MARCHF1: variants seen among roughly 807,000 people sequenced by gnomAD.
The protein encoded by MARCHF1 is E3 ubiquitin-protein ligase MARCHF1.
MARCHF1 carries 40 observed loss-of-function variants against 54.2 expected under a neutral mutation model. The ratio of observed to expected loss-of-function variants is 0.74; its 90% confidence interval spans 0.57 to 0.96. The LOEUF (loss-of-function observed/expected upper bound fraction) is 0.96, where lower values mean the gene tolerates loss of function less well. Ranked by LOEUF, MARCHF1 falls within the 40% of genes least tolerant of loss-of-function variation. MARCHF1 has a pLI of 0.00. For synonymous variants in MARCHF1, 236 were observed against 236.3 expected (o/e 1.00, Z 0.01); for missense variants, 586 against 656.5 (o/e 0.89, Z 1.17).
At chr4:163,794,255 C>T (rs1433732048) in intron 4 of MARCHF1, among the ~76,000 whole-genome samples, 1 of 152,038 alleles carries the variant, frequency 6.6e-6, no homozygotes, top group Non-Finnish European at 1.5e-5. Flanking sequence ...ATGTATGTTC[C>T]CTACATATTC....
intron 4 of MARCHF1, among the ~76,000 whole-genome samples, chr4:163,852,001 A>C (rs1382738616): frequency 6.6e-6 from 1 of 152,222 alleles, no homozygotes; most frequent in Admixed American, 6.5e-5. Context: ...TTTATGTTAA[A>C]GTGTATAGAG....
intron 5 of MARCHF1, among the ~76,000 whole-genome samples, chr4:163,626,071 C>T (rs747711194): frequency 2.6e-5 from 4 of 152,138 alleles, no homozygotes; most frequent in African/African-American, 4.8e-5. Flanking sequence ...TGAAATGAAG[C>T]ATTCTTTGTA....
At chr4:164,138,732 G>A (rs192192162) in intron 1 of MARCHF1, among the ~76,000 whole-genome samples, 37 of 152,314 alleles carry the variant, frequency 2.4e-4, no homozygotes, top group Admixed American at 6.5e-4. Flanking sequence ...ATCACCTCAT[G>A]TGGAGGCTTG....
intron 3 of MARCHF1, among the ~76,000 whole-genome samples, chr4:163,956,621 T>G (rs143311330): frequency 1.3e-5 from 2 of 152,230 alleles, no homozygotes; most frequent in Non-Finnish European, 2.9e-5. Flanking sequence ...TAGACAATAT[T>G]ATATGCAAAA....
intron 5 of MARCHF1, among the ~76,000 whole-genome samples, chr4:163,694,410 C>T (rs1744556009): frequency 6.6e-6 from 1 of 152,156 alleles, no homozygotes; most frequent in African/African-American, 2.4e-5. Flanking sequence ...GTTTTTCTCA[C>T]CCTGAATGAC....
At chr4:163,958,019 G>A (rs188704617) in intron 3 of MARCHF1, among the ~76,000 whole-genome samples, 37 of 152,030 alleles carry the variant, frequency 2.4e-4, no homozygotes, top group African/African-American at 7.7e-4. Context: ...ATAAGAGCCC[G>A]AAAGACTCTT....
At chr4:164,023,912 GA>G (rs1210180855) in intron 2 of MARCHF1, among the ~76,000 whole-genome samples, 1 of 152,026 alleles carries the variant, frequency 6.6e-6, no homozygotes, top group African/African-American at 2.4e-5. Context: ...CTCTGGAACT[GA>G]AAAATTTACT....
chr4:163,994,058 A>C (rs187689870), intron 2 of MARCHF1, among the ~76,000 whole-genome samples: 102 of 152,220 alleles, frequency 6.7e-4, no homozygotes, highest in African/African-American at 2.3e-3. Flanking sequence ...AATATTAGTA[A>C]ATCTAGCTGA....
chr4:163,818,201 CTTTA>C (rs1748595604), intron 4 of MARCHF1, among the ~76,000 whole-genome samples: 1 of 152,064 alleles, frequency 6.6e-6, no homozygotes, highest in Non-Finnish European at 1.5e-5. Flanking sequence ...TTTACTAATA[CTTTA>C]TTTCTTTATA....
At chr4:164,197,833 C>G in intron 1 of MARCHF1, 1 of 1,472,752 alleles carries the variant, frequency 6.8e-7, no homozygotes, top group Non-Finnish European at 9.0e-7. Flanking sequence ...GTTCTCGAGC[C>G]CCAATATTTA....
rs544727104 is a variant in MARCHF1, at chr4:164,228,253, C to T, written c.-322-116591G>A. Among the ~76,000 whole-genome samples the T allele has an allele frequency of 4.8e-4, 73 of 152,210 alleles. 1 individual carries two copies. Among genetic ancestry groups the T allele is most frequent in the African/African-American group, 1.4e-3 (60 of 41,532 alleles). ...GTACAAACTTTCCCCTTGATGACAG[C>T]GGGTTAAATTTGCTTTGCTATCACT... On this transcript the variant is annotated intron_variant, in intron 1 of 9. Coordinates refer to ENST00000514618, the MANE Select transcript of MARCHF1 (RefSeq NM_001394959.1).
At chr4:163,735,393 A>C (rs780726979) in intron 4 of MARCHF1, among the ~76,000 whole-genome samples, 1 of 152,194 alleles carries the variant, frequency 6.6e-6, no homozygotes, top group African/African-American at 2.4e-5. Flanking sequence ...TTTCTAACAT[A>C]TTATACAGTC....
intron 1 of MARCHF1, among the ~76,000 whole-genome samples, chr4:164,328,352 TAAG>T (rs1468971259): frequency 2.6e-5 from 4 of 152,060 alleles, no homozygotes; most frequent in South Asian, 4.1e-4. Context: ...ATATCAAAAA[TAAG>T]GAGATTATAT....
intron 3 of MARCHF1, among the ~76,000 whole-genome samples, chr4:163,869,020 T>C (rs1482864285): frequency 1.3e-5 from 2 of 151,938 alleles, no homozygotes; most frequent in Non-Finnish European, 2.9e-5. Flanking sequence ...ACAGTCTCTT[T>C]AAATTTAATT....
chr4:164,249,254 G>T (rs1733052365), intron 1 of MARCHF1, among the ~76,000 whole-genome samples: 1 of 152,076 alleles, frequency 6.6e-6, no homozygotes, highest in Non-Finnish European at 1.5e-5. Context: ...GTTGGGTGAA[G>T]AGATGATTGC....
chr4:164,022,028 T>G (rs757308895), intron 2 of MARCHF1, among the ~76,000 whole-genome samples: 3 of 152,102 alleles, frequency 2.0e-5, no homozygotes, highest in Non-Finnish European at 1.5e-5. Flanking sequence ...CTTCCATCAA[T>G]TCCAGTTATT....
At chr4:163,886,014 C>A (rs1458287007) in intron 3 of MARCHF1, among the ~76,000 whole-genome samples, 1 of 138,386 alleles carries the variant, frequency 7.2e-6, no homozygotes, top group Non-Finnish European at 1.6e-5. Context: ...CACTACCATA[C>A]CTAGCTAAAA....
intron 1 of MARCHF1, among the ~76,000 whole-genome samples, chr4:164,274,178 A>C (rs1479449754): frequency 1.3e-5 from 2 of 152,202 alleles, no homozygotes; most frequent in Non-Finnish European, 2.9e-5. Context: ...TGTCTTGTCT[A>C]TTCAGGTTCT....
chr4:163,616,610 C>A (rs141152205), intron 5 of MARCHF1, among the ~76,000 whole-genome samples: 2 of 151,938 alleles, frequency 1.3e-5, no homozygotes, highest in Admixed American at 6.6e-5. Context: ...ATGGGCATGG[C>A]GGTGCATGCC....
Sources: gnomAD v4.1 joint callset for allele counts (sites outside exome capture counted in the v4.1 genomes callset) on GRCh38, gnomAD v4.1.1 for gene constraint, MANE v1.5 for transcripts, NCBI Gene and HGNC (gene_info 2026-07-23, HGNC 2026-07-21) for gene names.